Variants in ADGRL3 observed in about 807,000 individuals in gnomAD.
ADGRL3 encodes adhesion G protein-coupled receptor L3, also known as calcium-independent alpha-latrotoxin receptor 3.
ADGRL3 carries 62 observed loss-of-function variants against 153.5 expected under a neutral mutation model. The observed-to-expected ratio is 0.40, with a 90% CI of 0.33 to 0.50. The LOEUF (loss-of-function observed/expected upper bound fraction) is 0.50. ADGRL3 is among the 20% of genes least tolerant of loss of function. The probability of loss-of-function intolerance (pLI) is 0.47; values close to 1 mark genes in which losing one functional copy is unlikely to be tolerated. For synonymous variants in ADGRL3, 710 were observed against 672.5 expected, an observed-to-expected ratio of 1.06 and a Z score of -0.86; for missense variants, 1,641 against 1,859.4, an observed-to-expected ratio of 0.88 and a Z score of 2.16.
chr4:61,590,256 C>A (rs2098964013), intron 5 of ADGRL3, among the ~76,000 whole-genome samples: 1 of 152,158 alleles, frequency 6.6e-6, no homozygotes, highest in African/African-American at 2.4e-5. Context: ...CTAAAACCAA[C>A]TTTGGATATA....
At chr4:61,978,679 A>G (rs1306975812) in intron 17 of ADGRL3, among the ~76,000 whole-genome samples, 1 of 152,192 alleles carries the variant, frequency 6.6e-6, no homozygotes, top group Non-Finnish European at 1.5e-5. Flanking sequence ...GAACAAGGAC[A>G]GAAATGAAGT....
chr4:61,969,367 A>T (rs1346735800), intron 17 of ADGRL3, among the ~76,000 whole-genome samples: 1 of 152,084 alleles, frequency 6.6e-6, no homozygotes, highest in Non-Finnish European at 1.5e-5. Flanking sequence ...AACTTGTGAG[A>T]TGTAGGCTCC....
At chr4:61,741,401 T>C (rs2096579420) in intron 8 of ADGRL3, among the ~76,000 whole-genome samples, 1 of 152,248 alleles carries the variant, frequency 6.6e-6, no homozygotes, top group Non-Finnish European at 1.5e-5. Flanking sequence ...TTGTTGCTAA[T>C]TTCAGCCCTA....
intron 1 of ADGRL3, among the ~76,000 whole-genome samples, chr4:61,279,725 T>C (rs1459394499): frequency 6.6e-6 from 1 of 152,102 alleles, no homozygotes; most frequent in African/African-American, 2.4e-5. Flanking sequence ...ATCTATTATG[T>C]ATATATTTTT....
At chr4:61,454,707 A>T (rs904530334) in intron 2 of ADGRL3, among the ~76,000 whole-genome samples, 1 of 152,212 alleles carries the variant, frequency 6.6e-6, no homozygotes, top group Non-Finnish European at 1.5e-5. Flanking sequence ...AAGCATACAT[A>T]CATAGTGTTT....
chr4:61,867,540 A>ATATATATATATATATATG (rs201200813), intron 9 of ADGRL3, among the ~76,000 whole-genome samples: 8 of 132,120 alleles, frequency 6.1e-5, no homozygotes, highest in African/African-American at 1.6e-4. Context: ...ATATATATAT[A>ATATATATATATATATATG]ATTGTAGGAG....
chr4:61,869,028 G>T (rs1419113680), intron 9 of ADGRL3, among the ~76,000 whole-genome samples: 2 of 151,998 alleles, frequency 1.3e-5, no homozygotes, highest in Non-Finnish European at 1.5e-5. Flanking sequence ...CTGCAGCCTC[G>T]ACCTACTGGG....
In ADGRL3 at chr4:61,470,428, T is replaced by C. The variant is rs77365345; in HGVS notation, c.-173-26693T>C. Among the ~76,000 whole-genome samples, 49 of 152,116 alleles carry C rather than the reference T, an allele frequency of 3.2e-4. No homozygotes were observed. The East Asian group carries it at 9.3e-3, about 29-fold the overall frequency. The stretch of plus-strand genomic sequence containing the variant: ...CAGATAGACACTGCCTTTTTTGTTG[T>C]TAGTAATACTGAGTAACATGATTAA... On this transcript the variant is annotated intron_variant, in intron 2 of 26. Transcript: ENST00000683033.
intron 4 of ADGRL3, chr4:61,579,506 A>C (rs960230863): frequency 2.2e-6 from 1 of 449,042 alleles, no homozygotes; most frequent in Admixed American, 2.7e-5. Context: ...AAATGCATTT[A>C]TTCACACACT....
At chr4:61,692,444 ATTT>A (rs33992337) in intron 6 of ADGRL3, among the ~76,000 whole-genome samples, 8 of 134,560 alleles carry the variant, frequency 5.9e-5, no homozygotes, top group Admixed American at 7.5e-5. Flanking sequence ...CTCTCTTCCT[ATTT>A]TTTTTTTTTT....
At chr4:61,755,519 G>A (rs2096816447) in intron 8 of ADGRL3, among the ~76,000 whole-genome samples, 1 of 151,900 alleles carries the variant, frequency 6.6e-6, no homozygotes, top group African/African-American at 2.4e-5. Context: ...CTGGATATTA[G>A]CCCTTTGTCA....
At chr4:61,294,525 A>G (rs1258935872) in intron 1 of ADGRL3, among the ~76,000 whole-genome samples, 1 of 152,156 alleles carries the variant, frequency 6.6e-6, no homozygotes, top group African/African-American at 2.4e-5. Context: ...GTCGAGGACT[A>G]TCTGTCTTCA....
chr4:62,072,572 A>C lies in ADGRL3; in HGVS notation c.*1664A>C, dbSNP rs963656719. ...CCAAATGAGCCATGCAAAAGAAATC[A>C]ATCTGCCTAGATGAATAAGCTAAGC... On this transcript the variant is annotated 3_prime_UTR_variant, in exon 27 of 27. Transcript: ENST00000683033. The C allele has an allele frequency of 6.6e-6, 1 of 152,436 alleles. No homozygotes were observed. Among genetic ancestry groups the C allele is most frequent in the South Asian group, 2.1e-4 (1 of 4,838 alleles). 9.4% of individuals were successfully genotyped at this position (152,436 alleles called of 1,614,324 possible).
At chr4:61,895,881 C>CAACAACAGA in intron 11 of ADGRL3, 47 bp downstream of exon 11, 8 of 1,094,638 alleles carry the variant, frequency 7.3e-6, no homozygotes, top group African/African-American at 1.6e-5. Flanking sequence ...ACTATATCAT[C>CAACAACAGA]TGTTGTTGAT....
chr4:61,747,839 T>A (rs555784254), intron 8 of ADGRL3, among the ~76,000 whole-genome samples: 2 of 151,758 alleles, frequency 1.3e-5, no homozygotes, highest in East Asian at 3.9e-4. Flanking sequence ...CTCAACATAG[T>A]GTTGGAAGTT....
intron 6 of ADGRL3, among the ~76,000 whole-genome samples, chr4:61,710,209 T>C (rs1399380474): frequency 6.6e-6 from 1 of 152,166 alleles, no homozygotes; most frequent in African/African-American, 2.4e-5. Context: ...TTCTCCTTTG[T>C]GAAATCCTGT....
intron 17 of ADGRL3, among the ~76,000 whole-genome samples, chr4:61,970,791 C>T (rs553959845): frequency 2.2e-4 from 33 of 152,252 alleles, no homozygotes; most frequent in African/African-American, 7.7e-4. Flanking sequence ...GGTTACCCAA[C>T]TATGACAGGT....
intron 8 of ADGRL3, among the ~76,000 whole-genome samples, chr4:61,761,820 C>T (rs1188762371): frequency 6.6e-6 from 1 of 152,136 alleles, no homozygotes; most frequent in African/African-American, 2.4e-5. Flanking sequence ...TGTCTCAAAT[C>T]CTCAGGTGGC....
At chr4:61,990,488 G>GCCAT (rs1210475834) in intron 19 of ADGRL3, among the ~76,000 whole-genome samples, 1 of 151,752 alleles carries the variant, frequency 6.6e-6, no homozygotes, top group Non-Finnish European at 1.5e-5. Context: ...AGATTATGCT[G>GCCAT]ATGGGTTCAC....
Sources: allele counts gnomAD v4.1 joint callset (sites outside exome capture counted in the v4.1 genomes callset), GRCh38; gene constraint gnomAD v4.1.1; transcripts MANE v1.5; gene names NCBI Gene and HGNC (gene_info 2026-07-23, HGNC 2026-07-21).